The following PARN variants were observed in gnomAD, a reference collection of about 807,000 sequenced individuals.
The protein encoded by PARN is poly(A)-specific ribonuclease PARN.
In PARN, 71 loss-of-function variants were observed where a neutral mutation model predicts 102.8. The observed-to-expected ratio is 0.69, with a 90% confidence interval of 0.57 to 0.84. The LOEUF (loss-of-function observed/expected upper bound fraction) is 0.84, where lower values mean the gene tolerates loss of function less well. Ranked by LOEUF, PARN falls within the 40% of genes least tolerant of loss-of-function variation. The probability of loss-of-function intolerance (pLI) is 0.00; values close to 1 mark genes in which losing one functional copy is unlikely to be tolerated. For missense variants in PARN, 782 were observed against 760.9 expected (o/e 1.03, Z -0.33); for synonymous variants, 261 against 252.9 (o/e 1.03, Z -0.30).
At chr16:14,543,108 T>C (rs547623710) in intron 21 of PARN, among the ~76,000 whole-genome samples, 1 of 151,966 alleles carries the variant, frequency 6.6e-6, no homozygotes, top group South Asian at 2.1e-4. Context: ...TACAGGAAAA[T>C]GACAATTCAA....
chr16:14,599,713 GAATAT>G (rs1269205919), intron 12 of PARN, among the ~76,000 whole-genome samples, 186 bp downstream of exon 12: 1 of 152,106 alleles, frequency 6.6e-6, no homozygotes, highest in Non-Finnish European at 1.5e-5. Flanking sequence ...AAATTGATTT[GAATAT>G]AATTTAGCAA....
intron 22 of PARN, among the ~76,000 whole-genome samples, chr16:14,460,829 C>T (rs1407819136): frequency 1.3e-5 from 2 of 152,192 alleles, no homozygotes; most frequent in East Asian, 3.8e-4. Flanking sequence ...ACACTCCTCC[C>T]CCAAGGAGGT....
At chr16:14,467,330 C>T (rs1962422226) in intron 22 of PARN, among the ~76,000 whole-genome samples, 1 of 152,176 alleles carries the variant, frequency 6.6e-6, no homozygotes, top group Non-Finnish European at 1.5e-5. Flanking sequence ...CCCCTCAGAA[C>T]AAGGAATCAC....
At chr16:14,599,486 G>T (rs944847787) in intron 12 of PARN, among the ~76,000 whole-genome samples, 1 of 152,160 alleles carries the variant, frequency 6.6e-6, no homozygotes, top group African/African-American at 2.4e-5. Flanking sequence ...TTACACTTAT[G>T]TAGCACTAAA....
At chr16:14,470,734 T>A (rs938384962) in intron 22 of PARN, among the ~76,000 whole-genome samples, 2 of 152,224 alleles carry the variant, frequency 1.3e-5, no homozygotes, top group East Asian at 3.9e-4. Flanking sequence ...GCTGGGATTA[T>A]AGGCATGAGG....
At chr16:14,539,433 G>A (rs985322374) in intron 21 of PARN, among the ~76,000 whole-genome samples, 4 of 152,196 alleles carry the variant, frequency 2.6e-5, no homozygotes, top group African/African-American at 9.6e-5. Context: ...ATGCCCTAAA[G>A]AATGCTAATT....
rs373527624 is a variant in PARN at position 14,554,057 on chromosome 16, C to G, written c.1405+8G>C. The G allele has an allele frequency of 2.5e-6, 4 of 1,593,772 alleles. No homozygotes were observed. The highest frequency in any genetic ancestry group is 4.5e-5 in the East Asian group (2 of 44,746). Reference sequence around the variant, plus strand: ...ACCCTAAAAAGTACATCTGAACTTGCGACTTACCAAAGGCACTGAAAAGCT... The same window carrying G: ...ACCCTAAAAAGTACATCTGAACTTGGGACTTACCAAAGGCACTGAAAAGCT... On this transcript the variant is annotated splice_region_variant and intron_variant, in intron 20 of 23. Transcript: ENST00000437198.
At chr16:14,580,128 T>G (rs1391422262) in intron 18 of PARN, among the ~76,000 whole-genome samples, 1 of 152,112 alleles carries the variant, frequency 6.6e-6, no homozygotes, top group Non-Finnish European at 1.5e-5. Context: ...CCCGCCACCG[T>G]GCCGGCTAAT....
chr16:14,509,162 G>A (rs1965058068), intron 21 of PARN, among the ~76,000 whole-genome samples: 1 of 152,010 alleles, frequency 6.6e-6, no homozygotes, highest in African/African-American at 2.4e-5. Context: ...GATGTTTTTG[G>A]CTTATGGTAA....
intron 21 of PARN, among the ~76,000 whole-genome samples, chr16:14,508,496 G>C (rs1423008667): frequency 1.3e-5 from 2 of 152,176 alleles, no homozygotes; most frequent in African/African-American, 4.8e-5. Flanking sequence ...ACCTGATTTA[G>C]AGGATCTAAA....
chr16:14,548,657 C>T (rs1967110802), intron 21 of PARN, among the ~76,000 whole-genome samples: 1 of 152,010 alleles, frequency 6.6e-6, no homozygotes, highest in Non-Finnish European at 1.5e-5. Context: ...CAAAGAGAGC[C>T]AGAGAAAACA....
chr16:14,569,560 T>C (rs1968660733), intron 18 of PARN, among the ~76,000 whole-genome samples: 1 of 152,242 alleles, frequency 6.6e-6, no homozygotes, highest in African/African-American at 2.4e-5. Flanking sequence ...GTTGCACAGA[T>C]ACACATCTAT....
At chr16:14,504,323 A>G (rs913363354) in intron 21 of PARN, among the ~76,000 whole-genome samples, 1 of 152,078 alleles carries the variant, frequency 6.6e-6, no homozygotes, top group East Asian at 1.9e-4. Flanking sequence ...ACTTTTGGCG[A>G]CCGAGGTGGG....
chr16:14,538,088 T>C (rs1278960037), intron 21 of PARN, among the ~76,000 whole-genome samples: 1 of 151,850 alleles, frequency 6.6e-6, no homozygotes. Context: ...TCAACTAAAA[T>C]TAAAGGGGAA....
At chr16:14,476,422 A>G (rs1963054655) in intron 22 of PARN, among the ~76,000 whole-genome samples, 1 of 152,214 alleles carries the variant, frequency 6.6e-6, no homozygotes, top group Non-Finnish European at 1.5e-5. Flanking sequence ...GCAAGGGTCA[A>G]CTTTTCTCTA....
chr16:14,436,453 C>G lies in PARN; in HGVS notation c.*264G>C. The G allele has an allele frequency of 1.9e-6, 1 of 519,564 alleles. No individual in the cohort carries two copies. The highest frequency in any genetic ancestry group is 3.4e-6 in the Non-Finnish European group (1 of 292,904). 32.2% of individuals were successfully genotyped at this position (519,564 alleles called of 1,614,324 possible). A position where few individuals can be genotyped will look rare whatever the true frequency, so the allele number is the denominator to read the frequency against. On this transcript the variant is annotated 3_prime_UTR_variant, in exon 24 of 24. Coordinates refer to ENST00000437198, the MANE Select transcript of PARN (RefSeq NM_002582.4). ...CAGGAAAGGCCTCACAAGAGCAACA[C>G]GGAATTCACTGGTTAAGCACGTACA...
intron 6 of PARN, among the ~76,000 whole-genome samples, chr16:14,611,175 G>A (rs1172263123): frequency 6.6e-6 from 1 of 152,212 alleles, no homozygotes; most frequent in Non-Finnish European, 1.5e-5. Context: ...AAAGGAGCTA[G>A]GGGAAGAGTC....
At position 14,512,810 on chromosome 16, in the gene PARN, C is replaced by G. The variant is rs139312431; in HGVS notation, c.1481-29983G>C. ...CAGAATTTGACCGTTCAGGTAAAAT[C>G]AGCAATAAAAGCAAGCACTCTTCTT... On this transcript the variant is annotated intron_variant, in intron 21 of 23. Transcript: ENST00000437198. Among the ~76,000 whole-genome samples, 49 of 152,292 alleles carry G rather than the reference C, an allele frequency of 3.2e-4. No homozygotes were observed. The East Asian group carries it at 8.1e-3, about 25-fold the overall frequency.
intron 21 of PARN, among the ~76,000 whole-genome samples, chr16:14,514,964 C>T (rs1314921412): frequency 2.0e-5 from 3 of 152,198 alleles, no homozygotes; most frequent in Admixed American, 1.3e-4. Context: ...GCTAAGTTTC[C>T]ATCATGTAAC....
Sources: allele counts gnomAD v4.1 joint callset (sites outside exome capture counted in the v4.1 genomes callset), GRCh38; gene constraint gnomAD v4.1.1; transcripts MANE v1.5; gene names NCBI Gene and HGNC (gene_info 2026-07-23, HGNC 2026-07-21).